GABRA3: variants seen among roughly 807,000 people sequenced by gnomAD.
GABRA3 encodes the protein gamma-aminobutyric acid type A receptor subunit alpha3.
In GABRA3, 10 loss-of-function variants were observed where a neutral mutation model predicts 30.1. That is an observed-to-expected ratio of 0.33 (90% CI 0.20 to 0.56). GABRA3 has a LOEUF of 0.56. Ranked by LOEUF, GABRA3 falls within the 20% of genes least tolerant of loss-of-function variation. The probability of loss-of-function intolerance (pLI) is 0.89; values close to 1 mark genes in which losing one functional copy is unlikely to be tolerated. For synonymous variants in GABRA3, 151 were observed against 146.8 expected (o/e 1.03, Z -0.21); for missense variants, 233 against 392.0 (o/e 0.59, Z 3.42).
Position 152,186,562 on chromosome X carries a change from A to AT in GABRA3, c.1143+3167dup, listed in dbSNP as rs1161906440. On this transcript the variant is annotated intron_variant, in intron 9 of 9. Transcript: ENST00000370314. Reference sequence around the variant, plus strand: ...CCAACTACATCAGCCTAATTGTACTATTTTTTTTTTGCCTCCCTCCCTTCC... The same window carrying AT: ...CCAACTACATCAGCCTAATTGTACTATTTTTTTTTTTGCCTCCCTCCCTTCC... Among the ~76,000 whole-genome samples the AT allele has an allele frequency of 5.4e-3, 561 of 103,043 alleles. 4 individuals are homozygous for AT. The highest frequency in any genetic ancestry group is 0.017 in the African/African-American group (467 of 28,269). The allele number at this position is 103,043 out of a possible 115,157, so 89.5% of individuals were successfully genotyped here.
intron 2 of GABRA3, among the ~76,000 whole-genome samples, chrX:152,348,154 T>C (rs1490906473): frequency 8.9e-6 from 1 of 111,859 alleles, no homozygotes; most frequent in Admixed American, 9.5e-5. Flanking sequence ...GCGACCTAAG[T>C]AGAACTCTTT....
At chrX:152,260,236 T>C (rs934313396) in intron 4 of GABRA3, among the ~76,000 whole-genome samples, 9 of 110,816 alleles carry the variant, frequency 8.1e-5, no homozygotes, top group Non-Finnish European at 9.5e-5. Flanking sequence ...AAAAACCAGG[T>C]AGATTTCTAT....
chrX:152,235,888 CAAATAGTGAAAG>C (rs1466278425), intron 5 of GABRA3, among the ~76,000 whole-genome samples: 1 of 106,245 alleles, frequency 9.4e-6, no homozygotes, highest in Non-Finnish European at 1.9e-5. Flanking sequence ...AAAAAGTCCC[CAAATAGTGAAAG>C]CAATCTTAAG....
At chrX:152,196,613 GTTC>G (rs1250241568) in intron 8 of GABRA3, among the ~76,000 whole-genome samples, 1 of 110,819 alleles carries the variant, frequency 9.0e-6, no homozygotes, top group Non-Finnish European at 1.9e-5. Context: ...CACTAGAACT[GTTC>G]TTCTCAAGAT....
rs60046142 is a variant in GABRA3 at position 152,225,432 on chromosome X, G to GCACACACACA, written c.552-597_552-588dup. On this transcript the variant is annotated intron_variant, in intron 5 of 9. Coordinates refer to ENST00000370314, the MANE Select transcript of GABRA3 (RefSeq NM_000808.4). ...CACACACACACGCACACACACACACGCACACACACACACACACACACACAC... is the reference window on the plus strand; with the variant it reads ...CACACACACACGCACACACACACACGCACACACACACACACACACACACACACACACACAC... Among the ~76,000 whole-genome samples, 401 of 96,515 alleles carry GCACACACACA rather than the reference G, an allele frequency of 4.2e-3. 4 individuals carry two copies. Among genetic ancestry groups the GCACACACACA allele is most frequent in the African/African-American group, 0.014 (361 of 26,474 alleles). The allele number at this position is 96,515 out of a possible 115,157, so 83.8% of individuals were successfully genotyped here.
intron 4 of GABRA3, among the ~76,000 whole-genome samples, chrX:152,272,985 A>G (rs1172589467): frequency 9.0e-6 from 1 of 111,712 alleles, no homozygotes; most frequent in Non-Finnish European, 1.9e-5. Flanking sequence ...TAAGTTACCC[A>G]ATCTTGGGCA....
intron 3 of GABRA3, among the ~76,000 whole-genome samples, chrX:152,297,509 G>C (rs758785387): frequency 3.5e-4 from 39 of 111,389 alleles, no homozygotes; most frequent in Non-Finnish European, 6.4e-4. Context: ...CTCTCCTTTT[G>C]CTTTTTCCCT....
chrX:152,243,834 G>C (rs1396546919), intron 5 of GABRA3, among the ~76,000 whole-genome samples: 1 of 112,063 alleles, frequency 8.9e-6, no homozygotes, highest in Non-Finnish European at 1.9e-5. Context: ...ATTTGGTCCA[G>C]CAATTATGCT....
intron 5 of GABRA3, among the ~76,000 whole-genome samples, chrX:152,240,509 T>C (rs1265261560): frequency 1.1e-5 from 1 of 88,643 alleles, no homozygotes; most frequent in Non-Finnish European, 2.1e-5. Flanking sequence ...CTTTGTGGTG[T>C]TCTCTGTATT....
intron 3 of GABRA3, among the ~76,000 whole-genome samples, chrX:152,326,967 T>A (rs1940071439): frequency 9.3e-6 from 1 of 107,763 alleles, no homozygotes; most frequent in Non-Finnish European, 1.9e-5. Flanking sequence ...CCATTTCACG[T>A]GCAGAGACAC....
chrX:152,430,489 G>T (rs1019822670), intron 1 of GABRA3, among the ~76,000 whole-genome samples: 13 of 111,589 alleles, frequency 1.2e-4, no homozygotes, highest in African/African-American at 4.2e-4. Context: ...GGCAACTGGG[G>T]TGTTGCCCAG....
chrX:152,335,045 T>G, intron 3 of GABRA3, among the ~76,000 whole-genome samples: 1 of 111,644 alleles, frequency 9.0e-6, no homozygotes, highest in Non-Finnish European at 1.9e-5. Flanking sequence ...GGCTGAGAGT[T>G]TCTTCCTTTC....
chrX:152,197,379 C>G (rs1937403181), intron 8 of GABRA3, among the ~76,000 whole-genome samples: 1 of 111,520 alleles, frequency 9.0e-6, no homozygotes, highest in African/African-American at 3.3e-5. Context: ...GGATAATTCC[C>G]TCTCCAGCTT....
intron 7 of GABRA3, among the ~76,000 whole-genome samples, chrX:152,203,938 T>TG (rs1342079290): frequency 8.9e-6 from 1 of 111,958 alleles, no homozygotes; most frequent in Non-Finnish European, 1.9e-5. Context: ...TGGACATCTT[T>TG]GGGGGGCCGC....
At chrX:152,330,879 ATAAT>A (rs768142900) in intron 3 of GABRA3, among the ~76,000 whole-genome samples, 2 of 111,994 alleles carry the variant, frequency 1.8e-5, no homozygotes, top group South Asian at 7.5e-4. Flanking sequence ...CTATGTATTC[ATAAT>A]TAATATTAAC....
intron 9 of GABRA3, among the ~76,000 whole-genome samples, chrX:152,177,428 C>G (rs1937088369): frequency 9.0e-6 from 1 of 110,974 alleles, no homozygotes; most frequent in African/African-American, 3.3e-5. Flanking sequence ...GGGTATTGAC[C>G]AAGGATGACA....
chrX:152,214,873 T>C (rs914625792), intron 6 of GABRA3, among the ~76,000 whole-genome samples: 9 of 109,802 alleles, frequency 8.2e-5, no homozygotes, highest in African/African-American at 3.0e-4. Flanking sequence ...AATAGTTCAC[T>C]ATTGGCATAT....
At chrX:152,278,216 G>C (rs1278730450) in intron 4 of GABRA3, among the ~76,000 whole-genome samples, 1 of 109,679 alleles carries the variant, frequency 9.1e-6, no homozygotes, top group Non-Finnish European at 1.9e-5. Flanking sequence ...CCACTAACTT[G>C]TCATTTAACA....
intron 4 of GABRA3, among the ~76,000 whole-genome samples, chrX:152,278,509 T>C (rs767571257): frequency 1.0e-3 from 112 of 111,967 alleles, no homozygotes; most frequent in Non-Finnish European, 1.7e-3. Flanking sequence ...CAGTCTATCA[T>C]TGATGGACAT....
Sources: gnomAD v4.1 joint callset for allele counts (sites outside exome capture counted in the v4.1 genomes callset) on GRCh38, gnomAD v4.1.1 for gene constraint, MANE v1.5 for transcripts, NCBI Gene and HGNC (gene_info 2026-07-23, HGNC 2026-07-21) for gene names.